Variants in PPP6R1 observed in about 807,000 individuals in gnomAD.
PPP6R1 encodes the protein protein phosphatase 6 regulatory subunit 1.
In PPP6R1, 39 loss-of-function variants were observed where a neutral mutation model predicts 104.6. The observed-to-expected ratio is 0.37, with a 90% CI of 0.29 to 0.49. The LOEUF (loss-of-function observed/expected upper bound fraction) is 0.49, where lower values mean the gene tolerates loss of function less well. Among genes scored for constraint, PPP6R1 ranks in the 20% least tolerant of loss-of-function variants. PPP6R1 has a pLI of 0.98. For synonymous variants in PPP6R1, 549 were observed against 479.0 expected (o/e 1.15, Z -1.91); for missense variants, 1,181 against 1,155.8 (o/e 1.02, Z -0.32).
chr19:55,242,627 G>A (rs555787936), intron 5 of PPP6R1, 139 bp from the exon 6 acceptor site: 11 of 696,902 alleles, frequency 1.6e-5, no homozygotes, highest in African/African-American at 3.5e-5. Flanking sequence ...TACGAAGGAG[G>A]AGGGCACAGA....
intron 17 of PPP6R1, among the ~76,000 whole-genome samples, chr19:55,235,367 G>A (rs765667583): frequency 1.1e-4 from 17 of 152,016 alleles, no homozygotes; most frequent in African/African-American, 1.9e-4. Context: ...GAGCTAACAC[G>A]AGGAAGTGAA....
rs1217091429 is a variant in PPP6R1 at position 55,231,579 on chromosome 19, AG to A, written c.2377+18del. ...TCTCTGCCCAGGGCCGCGGGTGGGC[AG>A]GGCAAAGCGGGGCTCACCTGAGGGC... On this transcript the variant is annotated intron_variant, in intron 20 of 23. Coordinates refer to ENST00000412770, the MANE Select transcript of PPP6R1 (RefSeq NM_014931.4). 6.2e-7 allele frequency: 1 copy of A among 1,607,626 alleles called. No homozygotes were observed. The highest frequency in any genetic ancestry group is 8.5e-7 in the Non-Finnish European group (1 of 1,177,148).
chr19:55,239,204 C>A, intron 15 of PPP6R1: 1 of 601,410 alleles, frequency 1.7e-6, no homozygotes, highest in Non-Finnish European at 3.0e-6. Flanking sequence ...GACTGCAGAG[C>A]TGGAACTCAT....
In PPP6R1 at chr19:55,245,312, G is replaced by A. The variant is rs748159445; in HGVS notation, c.505C>T (p.Leu169=). The A allele has an allele frequency of 4.5e-5, 72 of 1,607,252 alleles. No homozygotes were observed. Among genetic ancestry groups the A allele is most frequent in the Non-Finnish European group, 5.5e-5 (65 of 1,177,240 alleles). ...TSAIMDLLLR[L]LTCVERPQLR... ...TGAGGCCGCTCCACACAGGTGAGCA[G>A]GCGCAGCAGGAGGTCCATGATGGCC... The change falls in exon 4 of 24, where the codon CTG becomes TTG. Residue 169 remains leucine, a synonymous_variant. Coordinates refer to ENST00000412770, the MANE Select transcript of PPP6R1 (RefSeq NM_014931.4). The surrounding 1 kb of genome is among the most constrained non-coding windows in gnomAD (Gnocchi z 6.4).
At chr19:55,239,241 G>A (rs111789307) in intron 15 of PPP6R1, 164 bp downstream of exon 15, 10,117 of 652,752 alleles carry the variant, frequency 0.015, 284 homozygotes, top group African/African-American at 0.088. Context: ...ACACGAGGCT[G>A]CAGACACACA....
chr19:55,241,109 G>A lies in PPP6R1; in HGVS notation c.1162-30C>T. On this transcript the variant is annotated intron_variant, in intron 9 of 23. Coordinates refer to ENST00000412770, the MANE Select transcript of PPP6R1 (RefSeq NM_014931.4). The surrounding 1 kb of genome is among the most constrained non-coding windows in gnomAD (Gnocchi z 5.4). The stretch of plus-strand genomic sequence containing the variant: ...GGGAGGACACAGGATTGGTACCAGA[G>A]AGGCCCCGCCCCAGCCGAGCCCCCA... 6.5e-7 allele frequency: 1 copy of A among 1,545,928 alleles called. No homozygotes were observed. The highest frequency in any genetic ancestry group is 1.4e-5 in the African/African-American group (1 of 72,988).
chr19:55,249,267 A>G lies in PPP6R1; in HGVS notation c.-6-2158T>C, dbSNP rs117172579. 7.2e-5 allele frequency among the ~76,000 whole-genome samples: 11 copies of G among 152,206 alleles called. No individual in the cohort carries two copies. In the East Asian group the frequency reaches 2.1e-3, roughly 30 times the overall value. ...TCCCAATAATCCTTTGTTTTTGAGGAGTCTCACTCTGTTGCCCAGGCTGGA... is the reference window on the plus strand; with the variant it reads ...TCCCAATAATCCTTTGTTTTTGAGGGGTCTCACTCTGTTGCCCAGGCTGGA... On this transcript the variant is annotated intron_variant, in intron 1 of 23. Coordinates refer to ENST00000412770, the MANE Select transcript of PPP6R1 (RefSeq NM_014931.4).
chr19:55,230,608 C>A lies in PPP6R1; in HGVS notation c.2642+5G>T. 1 of 1,612,636 alleles carries A rather than the reference C, an allele frequency of 6.2e-7. No individual in the cohort carries two copies. The highest frequency in any genetic ancestry group is 8.5e-7 in the Non-Finnish European group (1 of 1,179,316). On this transcript the variant is annotated splice_donor_5th_base_variant and intron_variant, in intron 23 of 23. Transcript: ENST00000412770. Reference sequence around the variant, plus strand: ...TACCCAGCCCGAGGCTGCAGCCACACTCACTGGGAGCCTGGGGATGCAGGC... The same window carrying A: ...TACCCAGCCCGAGGCTGCAGCCACAATCACTGGGAGCCTGGGGATGCAGGC...
intron 17 of PPP6R1, among the ~76,000 whole-genome samples, chr19:55,234,763 G>T (rs574526011): frequency 1.3e-5 from 2 of 152,198 alleles, no homozygotes; most frequent in East Asian, 3.8e-4. Flanking sequence ...CCCACTGCAC[G>T]AGAGCCAGGG....
rs1414503792 is a variant in PPP6R1, at chr19:55,246,968, C to A, written c.136G>T (p.Asp46Tyr). The A allele has an allele frequency of 6.2e-7, 1 of 1,613,888 alleles. No individual in the cohort carries two copies. Among genetic ancestry groups the A allele is most frequent in the Non-Finnish European group, 8.5e-7 (1 of 1,179,882 alleles). Reference sequence around the variant, plus strand: ...AGGTGGGGTGGCTGCAGCAGGAAGTCCAGCAGCTTGCGGTTGACGACCTTG... The same window carrying A: ...AGGTGGGGTGGCTGCAGCAGGAAGTACAGCAGCTTGCGGTTGACGACCTTG... ...ECKVVNRKLL[D>Y]FLLQPPHLQA... Residue 46 changes from aspartate to tyrosine, a missense_variant, in exon 2 of 24, where the codon GAC (aspartate) becomes TAC (tyrosine). Coordinates refer to ENST00000412770, the MANE Select transcript of PPP6R1 (RefSeq NM_014931.4).
intron 1 of PPP6R1, among the ~76,000 whole-genome samples, chr19:55,257,539 C>T (rs1430836369): frequency 6.6e-6 from 1 of 152,204 alleles, no homozygotes; most frequent in African/African-American, 2.4e-5. Flanking sequence ...CTCCGACCTT[C>T]CTTCCTTGAC....
chr19:55,232,375 G>A, intron 17 of PPP6R1, 164 bp from the exon 18 acceptor site: 2 of 1,086,258 alleles, frequency 1.8e-6, no homozygotes, highest in South Asian at 1.8e-5. Context: ...AGGAGAGGCT[G>A]GGAGAGGGAG....
chr19:55,249,443 G>A (rs760293364), intron 1 of PPP6R1, among the ~76,000 whole-genome samples: 10 of 152,114 alleles, frequency 6.6e-5, no homozygotes, highest in South Asian at 2.1e-4. Context: ...ATTTCACCAC[G>A]TTAGCCAGGC....
Position 55,236,581 on chromosome 19 carries a change from G to T in PPP6R1, c.1988+62C>A, listed in dbSNP as rs1456962010. 17 of 1,443,694 alleles carry T rather than the reference G, an allele frequency of 1.2e-5. No homozygotes were observed. In the Middle Eastern group the frequency reaches 7.4e-4, roughly 63 times the overall value. The allele number at this position is 1,443,694 out of a possible 1,614,324, so 89.4% of individuals were successfully genotyped here. A position where few individuals can be genotyped will look rare whatever the true frequency, so the allele number is the denominator to read the frequency against. On this transcript the variant is annotated intron_variant, in intron 17 of 23. Coordinates refer to ENST00000412770, the MANE Select transcript of PPP6R1 (RefSeq NM_014931.4). The stretch of plus-strand genomic sequence containing the variant: ...TCAGCCTCAGTCCAAATGTGTTGGG[G>T]GGACCCCTTGGCCCTGCCGTGTGGT...
intron 1 of PPP6R1, among the ~76,000 whole-genome samples, chr19:55,251,746 AGAT>A (rs2087555175): frequency 6.6e-6 from 1 of 152,234 alleles, no homozygotes; most frequent in Admixed American, 6.5e-5. Context: ...TCCATGTCAC[AGAT>A]GAGAAAACTC....
chr19:55,239,573 C>G, intron 14 of PPP6R1, 21 bp downstream of exon 14: 1 of 1,609,630 alleles, frequency 6.2e-7, no homozygotes, highest in Non-Finnish European at 8.5e-7. Context: ...CCAGCACAGC[C>G]CCACATAGCC....
intron 17 of PPP6R1, chr19:55,232,451 C>T (rs1311779889): frequency 1.7e-5 from 9 of 520,014 alleles, no homozygotes; most frequent in South Asian, 3.3e-5. Flanking sequence ...GACCGTCCGT[C>T]GCCAGTCATC....
chr19:55,243,777 T>G (rs1416012178), intron 5 of PPP6R1, among the ~76,000 whole-genome samples: 1 of 152,226 alleles, frequency 6.6e-6, no homozygotes, highest in South Asian at 2.1e-4. Flanking sequence ...CTCAGACTCT[T>G]GAGTAGCTAG....
rs2122669250 is a variant in PPP6R1 at position 55,245,733 on chromosome 19, G to T, written c.228-55C>A. On this transcript the variant is annotated intron_variant, in intron 2 of 23. Transcript: ENST00000412770. The surrounding 1 kb of genome is among the most constrained non-coding windows in gnomAD (Gnocchi z 6.4). ...TCGGGTCGGAGGCCGGGGGCAGGGG[G>T]CGGCAAGGCTCCACCCTCTTCTCTG... 5 of 1,394,616 alleles carry T rather than the reference G, an allele frequency of 3.6e-6. No individual in the cohort carries two copies. The South Asian group carries it at 6.2e-5, about 17-fold the overall frequency. 86.4% of individuals were successfully genotyped at this position (1,394,616 alleles called of 1,614,324 possible).
Sources: allele counts gnomAD v4.1 joint callset (sites outside exome capture counted in the v4.1 genomes callset), GRCh38; gene constraint gnomAD v4.1.1; non-coding constraint Gnocchi (gnomAD v3.1); transcripts MANE v1.5; gene names NCBI Gene and HGNC (gene_info 2026-07-23, HGNC 2026-07-21).